Variants in TNFAIP8L3 observed in about 807,000 individuals in gnomAD.
TNFAIP8L3 encodes the protein TNF alpha induced protein 8 like 3.
A neutral mutation model predicts 11.8 loss-of-function variants in TNFAIP8L3; 7 were observed. The observed-to-expected ratio is 0.59, with a 90% CI of 0.34 to 1.11. The LOEUF (loss-of-function observed/expected upper bound fraction) is 1.11, where lower values mean the gene tolerates loss of function less well. Among genes scored for constraint, TNFAIP8L3 ranks in the 50% most tolerant of loss-of-function variants. TNFAIP8L3 has a pLI of 0.03. For missense variants in TNFAIP8L3, 219 were observed against 258.6 expected, an observed-to-expected ratio of 0.85 and a Z score of 1.05; for synonymous variants, 98 against 103.8, an observed-to-expected ratio of 0.94 and a Z score of 0.34.
intron 1 of TNFAIP8L3, among the ~76,000 whole-genome samples, chr15:51,088,231 TAG>T (rs1258687411): frequency 1.1e-3 from 173 of 152,152 alleles, no homozygotes; most frequent in Non-Finnish European, 4.1e-4. Flanking sequence ...ACTATGCTAA[TAG>T]AAAGTGTGAC....
intron 1 of TNFAIP8L3, among the ~76,000 whole-genome samples, chr15:51,086,350 T>C (rs1447337640): frequency 2.0e-5 from 3 of 152,236 alleles, no homozygotes. Flanking sequence ...TACCATCCCC[T>C]GATCTGGATC....
intron 1 of TNFAIP8L3, among the ~76,000 whole-genome samples, chr15:51,092,261 ACTT>A (rs2065477098): frequency 6.6e-6 from 1 of 152,240 alleles, no homozygotes; most frequent in South Asian, 2.1e-4. Context: ...ACTCTGCTGT[ACTT>A]CTCAGTTACA....
intron 1 of TNFAIP8L3, among the ~76,000 whole-genome samples, chr15:51,093,007 C>T (rs1187576387): frequency 6.6e-6 from 1 of 152,194 alleles, no homozygotes; most frequent in Non-Finnish European, 1.5e-5. Context: ...GGGTCAATGT[C>T]CCCTTCCCGC....
intron 1 of TNFAIP8L3, among the ~76,000 whole-genome samples, chr15:51,092,034 G>A (rs28412002): frequency 0.04 from 6,095 of 152,256 alleles, 131 homozygotes; most frequent in African/African-American, 0.05. Flanking sequence ...AACTGAGGTT[G>A]GAGATGTTAA....
At chr15:51,071,029 C>T (rs935609947) in intron 1 of TNFAIP8L3, among the ~76,000 whole-genome samples, 1 of 115,230 alleles carries the variant, frequency 8.7e-6, no homozygotes, top group Admixed American at 1.2e-4. Flanking sequence ...CCAGCCTGGG[C>T]GACAGAGCGA....
chr15:51,098,263 T>A (rs1595622542), upstream of TNFAIP8L3, among the ~76,000 whole-genome samples: 1 of 152,196 alleles, frequency 6.6e-6, no homozygotes, highest in African/African-American at 2.4e-5. Context: ...TCTGCAAACC[T>A]TCAGCAGTGG....
intron 1 of TNFAIP8L3, among the ~76,000 whole-genome samples, chr15:51,061,675 A>T (rs967644453): frequency 6.6e-6 from 1 of 152,088 alleles, no homozygotes; most frequent in Non-Finnish European, 1.5e-5. Flanking sequence ...TCTACAACCA[A>T]AGGATGCATA....
At chr15:51,077,725 T>C (rs531972749) in intron 1 of TNFAIP8L3, among the ~76,000 whole-genome samples, 632 of 152,328 alleles carry the variant, frequency 4.1e-3, no homozygotes, top group Non-Finnish European at 5.8e-3. Flanking sequence ...CCCCGACAGC[T>C]TCTCGCTTAA....
upstream of TNFAIP8L3, among the ~76,000 whole-genome samples, chr15:51,097,168 G>A (rs1291511512): frequency 1.3e-5 from 2 of 152,104 alleles, no homozygotes; most frequent in African/African-American, 2.4e-5. Flanking sequence ...CTTCATGGAA[G>A]CTTTTTTGGT....
chr15:51,070,085 A>G (rs1367105584), intron 1 of TNFAIP8L3, among the ~76,000 whole-genome samples: 1 of 152,232 alleles, frequency 6.6e-6, no homozygotes, highest in East Asian at 1.9e-4. Flanking sequence ...GTATATTTCA[A>G]CAGTTACATA....
chr15:51,057,403 T>C lies in TNFAIP8L3; in HGVS notation c.*478A>G, dbSNP rs978514050. The C allele has an allele frequency of 1.3e-5, 2 of 154,862 alleles. No individual in the cohort carries two copies. The highest frequency in any genetic ancestry group is 4.8e-5 in the African/African-American group (2 of 41,450). The allele number at this position is 154,862 out of a possible 1,614,324, so 9.6% of individuals were successfully genotyped here. Reference sequence around the variant, plus strand: ...ATCCCCTCACACTCAGAAGACAAAATATTAAGACTTTAAATTAGAGATTCC... The same window carrying C: ...ATCCCCTCACACTCAGAAGACAAAACATTAAGACTTTAAATTAGAGATTCC... On this transcript the variant is annotated 3_prime_UTR_variant, in exon 2 of 2. Coordinates refer to ENST00000637513, the MANE Select transcript of TNFAIP8L3 (RefSeq NM_001311175.2).
chr15:51,075,922 G>A (rs2065346024), intron 1 of TNFAIP8L3, among the ~76,000 whole-genome samples: 3 of 152,154 alleles, frequency 2.0e-5, no homozygotes, highest in Admixed American at 2.0e-4. Context: ...GTACTTGAGA[G>A]GTCAGAACAC....
chr15:51,085,173 T>C (rs1430067695), intron 1 of TNFAIP8L3, among the ~76,000 whole-genome samples: 1 of 149,538 alleles, frequency 6.7e-6, no homozygotes, highest in Non-Finnish European at 1.5e-5. Flanking sequence ...TGAACAAACA[T>C]GCCAGTTTCT....
At chr15:51,101,356 T>C (rs545324316) in intron 1 of TNFAIP8L3, among the ~76,000 whole-genome samples, 1 of 152,150 alleles carries the variant, frequency 6.6e-6, no homozygotes, top group Non-Finnish European at 1.5e-5. Flanking sequence ...GCGTGGTGGC[T>C]CACGCCTGTA....
chr15:51,078,980 C>A (rs1005442591), intron 1 of TNFAIP8L3, among the ~76,000 whole-genome samples: 1 of 152,198 alleles, frequency 6.6e-6, no homozygotes, highest in African/African-American at 2.4e-5. Flanking sequence ...CCACACCAGG[C>A]TGACAGCAGG....
At chr15:51,084,357 G>C (rs911345300) in intron 1 of TNFAIP8L3, among the ~76,000 whole-genome samples, 9 of 152,180 alleles carry the variant, frequency 5.9e-5, no homozygotes, top group Admixed American at 3.3e-4. Context: ...CCACTGTGTG[G>C]AAATGTCATT....
Position 51,071,139 on chromosome 15 carries a change from A to G in TNFAIP8L3, c.53-12696T>C, listed in dbSNP as rs563003248. On this transcript the variant is annotated intron_variant, in intron 1 of 1. Transcript: ENST00000637513. ...AAATAGATAAAAATATGTAATGCCT[A>G]AAAACATATACATAAACATAAACAA... Among the ~76,000 whole-genome samples, 4 of 152,122 alleles carry G rather than the reference A, an allele frequency of 2.6e-5. No homozygotes were observed. In the East Asian group the frequency reaches 7.7e-4, roughly 29 times the overall value.
chr15:51,095,357 G>C (rs2065507061), upstream of TNFAIP8L3, among the ~76,000 whole-genome samples: 1 of 152,120 alleles, frequency 6.6e-6, no homozygotes, highest in Admixed American at 6.5e-5. Context: ...CCGAGCGCTG[G>C]GCCTGGCACC....
intron 1 of TNFAIP8L3, among the ~76,000 whole-genome samples, chr15:51,081,644 T>C (rs752157769): frequency 6.6e-6 from 1 of 152,330 alleles, no homozygotes; most frequent in South Asian, 2.1e-4. Flanking sequence ...ACTTTTTACA[T>C]AGTTTGTTTT....
Sources: gnomAD v4.1 joint callset for allele counts (sites outside exome capture counted in the v4.1 genomes callset) on GRCh38, gnomAD v4.1.1 for gene constraint, MANE v1.5 for transcripts, NCBI Gene and HGNC (gene_info 2026-07-23, HGNC 2026-07-21) for gene names.